Variants in ERI3 observed in about 807,000 individuals in gnomAD.
ERI3 encodes ERI1 exoribonuclease family member 3, also known as ERI1 exoribonuclease 3.
Under a neutral mutation model 44.4 loss-of-function variants are expected in ERI3, and 18 were observed. The ratio of observed to expected loss-of-function variants is 0.41; its 90% CI spans 0.28 to 0.60. ERI3 has a LOEUF of 0.60. Ranked by LOEUF, ERI3 falls within the 20% of genes least tolerant of loss-of-function variation. ERI3 has a pLI of 0.36. For synonymous variants in ERI3, 183 were observed against 164.8 expected (o/e 1.11, Z -0.84); for missense variants, 294 against 435.5 (o/e 0.68, Z 2.89).
At chr1:44,243,206 C>T (rs188745906) in intron 8 of ERI3, among the ~76,000 whole-genome samples, 63 of 152,298 alleles carry the variant, frequency 4.1e-4, no homozygotes, top group African/African-American at 1.4e-3. Context: ...CTTGAGAGTC[C>T]ACTTGGTTTC....
At chr1:44,254,886 G>T (rs1340857504) in intron 7 of ERI3, among the ~76,000 whole-genome samples, 1 of 151,228 alleles carries the variant, frequency 6.6e-6, no homozygotes, top group Non-Finnish European at 1.5e-5. Flanking sequence ...TCAGGCCCTT[G>T]CTCCATCTAG....
intron 7 of ERI3, among the ~76,000 whole-genome samples, chr1:44,257,680 C>T (rs182234654): frequency 2.0e-5 from 3 of 152,272 alleles, no homozygotes; most frequent in Non-Finnish European, 2.9e-5. Context: ...TGGCCTCCTG[C>T]GCCAGAATTC....
chr1:44,318,691 TA>T (rs1054437050), intron 4 of ERI3, among the ~76,000 whole-genome samples: 1 of 152,194 alleles, frequency 6.6e-6, no homozygotes, highest in African/African-American at 2.4e-5. Flanking sequence ...CCAGCCTTCT[TA>T]CCAAGGAGAC....
Position 44,332,435 on chromosome 1 carries a change from A to C in ERI3, c.489+6610T>G, listed in dbSNP as rs574343093. On this transcript the variant is annotated intron_variant, in intron 3 of 8. Coordinates refer to ENST00000372257, the MANE Select transcript of ERI3 (RefSeq NM_024066.3). ...ACCAGTGACCCAGTGTTCCCCAAGG[A>C]AAGTTCCTGGCCCCACCCCCAGACA... 2.6e-5 allele frequency among the ~76,000 whole-genome samples: 4 copies of C among 152,300 alleles called. No individual in the cohort carries two copies. The East Asian group carries it at 7.7e-4, about 29-fold the overall frequency.
intron 8 of ERI3, among the ~76,000 whole-genome samples, chr1:44,224,049 C>A (rs1013058369): frequency 1.3e-5 from 2 of 152,186 alleles, no homozygotes; most frequent in Non-Finnish European, 2.9e-5. Context: ...CCCAAAATGC[C>A]CAAAGAAATC....
intron 3 of ERI3, among the ~76,000 whole-genome samples, chr1:44,330,473 G>A (rs1646405681): frequency 6.6e-6 from 1 of 152,182 alleles, no homozygotes; most frequent in Non-Finnish European, 1.5e-5. Flanking sequence ...AATAAAAGCT[G>A]CCCTGATGTT....
Position 44,247,088 on chromosome 1 carries a change from A to G in ERI3, c.931+851T>C, listed in dbSNP as rs577774943. On this transcript the variant is annotated intron_variant, in intron 8 of 8. Transcript: ENST00000372257. ...ACAGAACTGAACAGACACACCTGAC[A>G]GATACACACACAGATTGGTAGCTGC... Among the ~76,000 whole-genome samples the G allele has an allele frequency of 2.6e-5, 4 of 152,338 alleles. No homozygotes were observed. The East Asian group carries it at 5.8e-4, about 22-fold the overall frequency.
intron 8 of ERI3, among the ~76,000 whole-genome samples, chr1:44,247,232 G>A (rs1262376425): frequency 6.6e-6 from 1 of 152,024 alleles, no homozygotes; most frequent in African/African-American, 2.4e-5. Flanking sequence ...TACAGCTAAA[G>A]GTGTCACACA....
At chr1:44,233,594 C>CTGA (rs1644237116) in intron 8 of ERI3, among the ~76,000 whole-genome samples, 2 of 152,042 alleles carry the variant, frequency 1.3e-5, no homozygotes, top group Admixed American at 6.6e-5. Flanking sequence ...CTTTCTAAGC[C>CTGA]CATCCCTCCA....
chr1:44,251,707 CAAGCACAATA>C (rs1238973665), intron 7 of ERI3, among the ~76,000 whole-genome samples: 1 of 152,176 alleles, frequency 6.6e-6, no homozygotes, highest in African/African-American at 2.4e-5. Flanking sequence ...GTGGCATGAG[CAAGCACAATA>C]AAGGCTTGGG....
intron 1 of ERI3, chr1:44,354,654 C>A (rs1274356139): frequency 2.0e-6 from 2 of 985,310 alleles, no homozygotes; most frequent in East Asian, 2.3e-4. Context: ...TCTAGTCAAA[C>A]CTTTTTCTTC....
intron 2 of ERI3, among the ~76,000 whole-genome samples, chr1:44,341,913 A>T (rs1042935638): frequency 6.6e-6 from 1 of 151,904 alleles, no homozygotes; most frequent in Non-Finnish European, 1.5e-5. Context: ...AACAAAACAA[A>T]ACAAAAAAAC....
chr1:44,234,689 C>T (rs929229048), intron 8 of ERI3, among the ~76,000 whole-genome samples: 1 of 152,102 alleles, frequency 6.6e-6, no homozygotes, highest in Non-Finnish European at 1.5e-5. Context: ...ATAACAACAA[C>T]AAACCCTTCA....
chr1:44,311,854 G>A (rs1645979778), intron 5 of ERI3, among the ~76,000 whole-genome samples: 1 of 151,980 alleles, frequency 6.6e-6, no homozygotes, highest in Admixed American at 6.5e-5. Flanking sequence ...GTTTAACAGG[G>A]AGCAGTCCAT....
At chr1:44,290,273 C>T (rs985093055) in intron 6 of ERI3, among the ~76,000 whole-genome samples, 4 of 152,132 alleles carry the variant, frequency 2.6e-5, no homozygotes, top group Non-Finnish European at 2.9e-5. Flanking sequence ...TATGGAGAGG[C>T]TCTGTCTTCT....
chr1:44,277,215 T>C (rs1018036343), intron 7 of ERI3, among the ~76,000 whole-genome samples: 2 of 152,138 alleles, frequency 1.3e-5, no homozygotes, highest in Non-Finnish European at 2.9e-5. Flanking sequence ...TTCCCTCCTG[T>C]CACAATAGAA....
chr1:44,334,152 T>C (rs1404768075), intron 3 of ERI3, among the ~76,000 whole-genome samples: 1 of 152,204 alleles, frequency 6.6e-6, no homozygotes, highest in East Asian at 1.9e-4. Context: ...GCTCCTCGGA[T>C]GGGGAGAGCT....
At chr1:44,289,861 G>A (rs1237110692) in intron 6 of ERI3, among the ~76,000 whole-genome samples, 2 of 152,244 alleles carry the variant, frequency 1.3e-5, no homozygotes, top group Non-Finnish European at 2.9e-5. Flanking sequence ...AGAGCTGCTA[G>A]GCTGAGGCAA....
intron 7 of ERI3, among the ~76,000 whole-genome samples, chr1:44,248,928 G>C (rs1286891784): frequency 6.7e-6 from 1 of 148,230 alleles, no homozygotes; most frequent in African/African-American, 2.5e-5. Flanking sequence ...ACCTCCACCT[G>C]GGGGGGGGAC....
Sources: gnomAD v4.1 joint callset for allele counts (sites outside exome capture counted in the v4.1 genomes callset) on GRCh38, gnomAD v4.1.1 for gene constraint, MANE v1.5 for transcripts, NCBI Gene and HGNC (gene_info 2026-07-23, HGNC 2026-07-21) for gene names.